Variants in CACNA1A observed in about 807,000 individuals in gnomAD.
CACNA1A encodes calcium voltage-gated channel subunit alpha1 A, also known as voltage-dependent P/Q-type calcium channel subunit alpha-1A.
In CACNA1A, 57 loss-of-function variants were observed where a neutral mutation model predicts 262.4. That is an observed-to-expected ratio of 0.22 (90% CI 0.18 to 0.27). The LOEUF is 0.27. CACNA1A is among the 10% of genes least tolerant of loss of function. The probability of loss-of-function intolerance (pLI) is 1.00; values close to 1 mark genes in which losing one functional copy is unlikely to be tolerated. For synonymous variants in CACNA1A, 1,431 were observed against 1,419.3 expected, an observed-to-expected ratio of 1.01 and a Z score of -0.18; for missense variants, 2,526 against 3,562.8, an observed-to-expected ratio of 0.71 and a Z score of 7.41.
chr19:13,207,570 C>G lies in CACNA1A; in HGVS notation c.7264G>C (p.Gly2422Arg). 1 of 1,473,566 alleles carries G rather than the reference C, an allele frequency of 6.8e-7. No individual in the cohort carries two copies. Among genetic ancestry groups the G allele is most frequent in the Non-Finnish European group, 9.0e-7 (1 of 1,112,338 alleles). The allele number at this position is 1,473,566 out of a possible 1,614,324, so 91.3% of individuals were successfully genotyped here. ...ATGGCCTCCTCGCCGCCCCCGCTGC[C>G]CGGGCCATCGGCCTCGTCGTAGTCG... ...GSDYDEADGP[G>R]SGGGEEAMAG... Residue 2422 changes from glycine to arginine, a missense_variant, in exon 47 of 47, where the codon GGC becomes CGC. Transcript: ENST00000360228. The surrounding 1 kb of genome is among the most constrained non-coding windows in gnomAD (Gnocchi z 5.7).
chr19:13,283,610 A>G (rs938069826), intron 21 of CACNA1A: 5 of 532,798 alleles, frequency 9.4e-6, no homozygotes, highest in East Asian at 3.3e-5. Context: ...AGACATTCAC[A>G]TGCCCTGTTT....
At chr19:13,254,562 G>A (rs934100031) in intron 29 of CACNA1A, among the ~76,000 whole-genome samples, 8 of 151,870 alleles carry the variant, frequency 5.3e-5, no homozygotes, top group Non-Finnish European at 1.2e-4. Context: ...CGGTTTCTCC[G>A]TGTTGGTCAG....
intron 35 of CACNA1A, among the ~76,000 whole-genome samples, chr19:13,230,521 C>T (rs2055624006): frequency 6.6e-6 from 1 of 151,920 alleles, no homozygotes; most frequent in African/African-American, 2.4e-5. Flanking sequence ...GAGACAAAGA[C>T]TGGCCGGGCA....
chr19:13,491,744 G>C (rs1980912066), intron 1 of CACNA1A, among the ~76,000 whole-genome samples: 1 of 152,182 alleles, frequency 6.6e-6, no homozygotes, highest in South Asian at 2.1e-4. Context: ...GCTAAGCTGG[G>C]AGGATTGCTT....
chr19:13,227,255 A>C, intron 37 of CACNA1A, 176 bp downstream of exon 37: 1 of 387,432 alleles, frequency 2.6e-6, no homozygotes, highest in Admixed American at 4.2e-5. Flanking sequence ...GAATCAAGGG[A>C]TGGTCATGAT....
intron 19 of CACNA1A, among the ~76,000 whole-genome samples, chr19:13,298,163 C>T (rs955492975): frequency 2.2e-5 from 3 of 137,098 alleles, no homozygotes; most frequent in African/African-American, 8.4e-5. Context: ...CAGAGTCTCA[C>T]TCTGTCGCCC....
chr19:13,481,613 T>C (rs2145084367), intron 1 of CACNA1A, among the ~76,000 whole-genome samples: 1 of 152,104 alleles, frequency 6.6e-6, no homozygotes, highest in East Asian at 1.9e-4. Flanking sequence ...GCACGGCCAG[T>C]ACAGCTGGAC....
At chr19:13,477,886 C>T (rs1978750023) in intron 1 of CACNA1A, among the ~76,000 whole-genome samples, 1 of 152,200 alleles carries the variant, frequency 6.6e-6, no homozygotes, top group Admixed American at 6.5e-5. Flanking sequence ...GTCAACCCCA[C>T]TATCTTTGCA....
At chr19:13,309,175 A>AT (rs2057966380) in intron 12 of CACNA1A, among the ~76,000 whole-genome samples, 1 of 151,548 alleles carries the variant, frequency 6.6e-6, no homozygotes, top group African/African-American at 2.4e-5. Flanking sequence ...CGCCCGGCTA[A>AT]TTTTTTGTAT....
intron 15 of CACNA1A, among the ~76,000 whole-genome samples, chr19:13,304,444 T>C (rs1411959032): frequency 1.3e-5 from 2 of 151,704 alleles, no homozygotes; most frequent in African/African-American, 4.8e-5. Context: ...GCCTGGGCAA[T>C]ATAGCAAGAC....
intron 10 of CACNA1A, among the ~76,000 whole-genome samples, chr19:13,323,279 A>C (rs908952785): frequency 6.6e-6 from 1 of 151,690 alleles, no homozygotes; most frequent in Non-Finnish European, 1.5e-5. Flanking sequence ...CAAAAAACAA[A>C]AAACAAACAA....
In CACNA1A at chr19:13,299,453, C is replaced by T. The variant is rs1292572749; in HGVS notation, c.2280-100G>A. 20 of 909,694 alleles carry T rather than the reference C, an allele frequency of 2.2e-5. No individual in the cohort carries two copies. The Admixed American group carries it at 3.6e-4, about 16-fold the overall frequency. 56.4% of individuals were successfully genotyped at this position (909,694 alleles called of 1,614,324 possible). ...CCCACATCTCAGCCTCCCACTCCTG[C>T]TCTCCACCCTCTACTCCCCACTGAA... On this transcript the variant is annotated intron_variant, in intron 18 of 46. Coordinates refer to ENST00000360228, the MANE Select transcript of CACNA1A (RefSeq NM_001127222.2).
chr19:13,213,326 T>A (rs2054886632), intron 40 of CACNA1A, among the ~76,000 whole-genome samples: 1 of 152,160 alleles, frequency 6.6e-6, no homozygotes, highest in African/African-American at 2.4e-5. Flanking sequence ...CCCCTTTTCC[T>A]TCAAGCCTTT....
At chr19:13,271,211 G>GTTTTTTTT (rs1568481302) in intron 24 of CACNA1A, 1 of 106,266 alleles carries the variant, frequency 9.4e-6, no homozygotes, top group Admixed American at 1.1e-4. Flanking sequence ...GAATCATTCT[G>GTTTTTTTT]CTGTTTTTTT....
Position 13,232,685 on chromosome 19 carries a change from C to T in CACNA1A, c.5250-825G>A, listed in dbSNP as rs561942265. Among the ~76,000 whole-genome samples the T allele has an allele frequency of 2.0e-5, 3 of 149,592 alleles. No homozygotes were observed. In the Admixed American group the frequency reaches 2.0e-4, roughly 10 times the overall value. On this transcript the variant is annotated intron_variant, in intron 34 of 46. Transcript: ENST00000360228. ...GGCGGAGGTTGCAGTGAGCTGAGATCGCGCCACTGCACTCCAGCCTGGGTG... is the reference window on the plus strand; with the variant it reads ...GGCGGAGGTTGCAGTGAGCTGAGATTGCGCCACTGCACTCCAGCCTGGGTG...
At chr19:13,367,069 C>T (rs112399717) in intron 4 of CACNA1A, among the ~76,000 whole-genome samples, 4,419 of 152,056 alleles carry the variant, frequency 0.029, 210 homozygotes, top group African/African-American at 0.1. Context: ...CCGAGGCCAG[C>T]GGATTAACGA....
intron 31 of CACNA1A, among the ~76,000 whole-genome samples, chr19:13,240,309 G>A (rs994984003): frequency 1.8e-4 from 28 of 152,028 alleles, no homozygotes; most frequent in African/African-American, 6.8e-4. Context: ...TGTGTATAGC[G>A]ACTGTGTGTT....
intron 38 of CACNA1A, among the ~76,000 whole-genome samples, chr19:13,216,664 TATCTATCTATCTATCTATCTATCTATC>T (rs2055022965): frequency 0.12 from 866 of 7,332 alleles, 5 homozygotes; most frequent in Admixed American, 0.26. Flanking sequence ...TCTATCTATC[TATCTATCTATCTATCTATCTATCTATC>T]TATCTATCAT....
chr19:13,209,362 C>T lies in CACNA1A; in HGVS notation c.6476G>A (p.Ser2159Asn). The change falls in exon 45 of 47, where the codon AGC becomes AAC. Residue 2159 changes from serine (S) to asparagine (N), a missense_variant. Coordinates refer to ENST00000360228, the MANE Select transcript of CACNA1A (RefSeq NM_001127222.2). Reference sequence around the variant, plus strand: ...CAGGGAGCGCTCAGAGGCGCGGTGGCTGCGGTCGCGGCGCCGCTGGTGGTG... The same window carrying T: ...CAGGGAGCGCTCAGAGGCGCGGTGGTTGCGGTCGCGGCGCCGCTGGTGGTG... ...QRHHQRRRDR[S>N]HRASERSLGR... 2 of 1,390,070 alleles carry T rather than the reference C, an allele frequency of 1.4e-6. No individual in the cohort carries two copies. The highest frequency in any genetic ancestry group is 1.9e-6 in the Non-Finnish European group (2 of 1,067,606). 86.1% of individuals were successfully genotyped at this position (1,390,070 alleles called of 1,614,324 possible).
Sources: gnomAD v4.1 joint callset for allele counts (sites outside exome capture counted in the v4.1 genomes callset) on GRCh38, gnomAD v4.1.1 for gene constraint, Gnocchi (gnomAD v3.1) non-coding constraint, MANE v1.5 for transcripts, NCBI Gene and HGNC (gene_info 2026-07-23, HGNC 2026-07-21) for gene names.